RASGRF2: variants seen among roughly 807,000 people sequenced by gnomAD.
The protein encoded by RASGRF2 is ras-specific guanine nucleotide-releasing factor 2.
RASGRF2 carries 76 observed loss-of-function variants against 151.0 expected under a neutral mutation model. The ratio of observed to expected loss-of-function variants is 0.50; its 90% confidence interval spans 0.42 to 0.61. The LOEUF (loss-of-function observed/expected upper bound fraction) is 0.61. Ranked by LOEUF, RASGRF2 falls within the 20% of genes least tolerant of loss-of-function variation. The probability of loss-of-function intolerance (pLI) is 0.00; values close to 1 mark genes in which losing one functional copy is unlikely to be tolerated. For synonymous variants in RASGRF2, 504 were observed against 566.5 expected (o/e 0.89, Z 1.57); for missense variants, 1,148 against 1,564.6 (o/e 0.73, Z 4.49).
At chr5:81,076,417 G>T (rs1751938823) in intron 5 of RASGRF2, among the ~76,000 whole-genome samples, 1 of 152,258 alleles carries the variant, frequency 6.6e-6, no homozygotes, top group Non-Finnish European at 1.5e-5. Context: ...ATAGTACATG[G>T]ACACTTCTGT....
chr5:81,093,037 T>G, intron 10 of RASGRF2, 76 bp downstream of exon 10: 1 of 1,403,768 alleles, frequency 7.1e-7, no homozygotes, highest in East Asian at 2.3e-5. Flanking sequence ...TTTGAGACTT[T>G]CCCATGCTTG....
At chr5:81,047,103 T>C (rs899044571) in intron 2 of RASGRF2, among the ~76,000 whole-genome samples, 15 of 152,078 alleles carry the variant, frequency 9.9e-5, no homozygotes, top group Non-Finnish European at 1.6e-4. Flanking sequence ...GTGTCACTCT[T>C]TGGGAGAAGA....
intron 2 of RASGRF2, among the ~76,000 whole-genome samples, chr5:81,057,336 T>C (rs542504090): frequency 6.6e-6 from 1 of 152,292 alleles, no homozygotes; most frequent in South Asian, 2.1e-4. Flanking sequence ...GCTTCATATA[T>C]ACGTCCTCAG....
chr5:81,070,402 T>C lies in RASGRF2; in HGVS notation c.544-90T>C, dbSNP rs1751736287. 4 of 1,081,028 alleles carry C rather than the reference T, an allele frequency of 3.7e-6. No individual in the cohort carries two copies. In the South Asian group the frequency reaches 5.2e-5, roughly 14 times the overall value. The allele number at this position is 1,081,028 out of a possible 1,614,324, so 67.0% of individuals were successfully genotyped here. ...AAGTGGGTGTTTCCTGAGGATCTCA[T>C]TGGACCACCTTTGTAGGCAGAGCTT... On this transcript the variant is annotated intron_variant, in intron 3 of 26. Coordinates refer to ENST00000265080, the MANE Select transcript of RASGRF2 (RefSeq NM_006909.3).
chr5:81,054,969 C>T lies in RASGRF2; in HGVS notation c.395+11986C>T, dbSNP rs576043672. On this transcript the variant is annotated intron_variant, in intron 2 of 26. Transcript: ENST00000265080. ...TAGGAATGCTTGTGATTTTTGCACA[C>T]TGATTTTGTTTCCTGAGACTTTGCC... Among the ~76,000 whole-genome samples, 26 of 151,914 alleles carry T rather than the reference C, an allele frequency of 1.7e-4. No individual in the cohort carries two copies. In the East Asian group the frequency reaches 1.7e-3, roughly 10 times the overall value.
chr5:81,173,414 T>C (rs1428554731), intron 17 of RASGRF2, among the ~76,000 whole-genome samples: 1 of 152,152 alleles, frequency 6.6e-6, no homozygotes, highest in African/African-American at 2.4e-5. Flanking sequence ...GGAAGTAGTT[T>C]AGAAGCAGTT....
At chr5:80,996,530 TCCTCCCC>T (rs1561544893) in intron 1 of RASGRF2, among the ~76,000 whole-genome samples, 2 of 39,920 alleles carry the variant, frequency 5.0e-5, no homozygotes, top group Non-Finnish European at 9.5e-5. Context: ...CCCCTCCTCC[TCCTCCCC>T]CTCCTCCTCC....
chr5:81,210,041 C>T (rs1561261717), intron 22 of RASGRF2: 1 of 152,806 alleles, frequency 6.5e-6, no homozygotes, highest in Admixed American at 6.5e-5. Flanking sequence ...CTGCCACCAC[C>T]TTGATGTGGC....
At chr5:81,195,771 G>C (rs1312199748) in intron 18 of RASGRF2, among the ~76,000 whole-genome samples, 1 of 152,136 alleles carries the variant, frequency 6.6e-6, no homozygotes, top group East Asian at 1.9e-4. Context: ...GACAGTTTGA[G>C]AAGGGCAAGT....
intron 2 of RASGRF2, among the ~76,000 whole-genome samples, chr5:81,046,467 T>C (rs1750840230): frequency 6.6e-6 from 1 of 152,174 alleles, no homozygotes; most frequent in African/African-American, 2.4e-5. Context: ...ATGTTTTGCT[T>C]ACCATTGGCC....
intron 1 of RASGRF2, among the ~76,000 whole-genome samples, chr5:80,980,875 T>G (rs1279347358): frequency 6.6e-6 from 1 of 152,196 alleles, no homozygotes; most frequent in Non-Finnish European, 1.5e-5. Context: ...GCTTTTTACC[T>G]GGTAGCCTTG....
intron 1 of RASGRF2, among the ~76,000 whole-genome samples, chr5:81,012,595 T>G (rs1410724931): frequency 6.6e-6 from 1 of 152,118 alleles, no homozygotes; most frequent in African/African-American, 2.4e-5. Context: ...GGTTATGCCC[T>G]TCCTGAGGCA....
intron 17 of RASGRF2, among the ~76,000 whole-genome samples, chr5:81,160,965 T>C (rs1754370805): frequency 6.6e-6 from 1 of 152,190 alleles, no homozygotes; most frequent in Non-Finnish European, 1.5e-5. Context: ...GGGACTGTGG[T>C]TTTGGAGGTA....
chr5:81,016,943 C>T (rs148898209), intron 1 of RASGRF2, among the ~76,000 whole-genome samples: 12 of 152,142 alleles, frequency 7.9e-5, no homozygotes, highest in African/African-American at 2.9e-4. Flanking sequence ...CCTAAAAGTC[C>T]ACAAAAACAA....
chr5:81,147,295 A>T (rs753230174), intron 17 of RASGRF2, among the ~76,000 whole-genome samples: 12 of 152,076 alleles, frequency 7.9e-5, no homozygotes, highest in Non-Finnish European at 1.5e-4. Flanking sequence ...ACTTCGAAAC[A>T]CTTTCTTCCT....
At chr5:81,047,005 A>G (rs565408) in intron 2 of RASGRF2, among the ~76,000 whole-genome samples, 55,512 of 151,942 alleles carry the variant, frequency 0.37, 10,436 homozygotes, top group Middle Eastern at 0.6. Flanking sequence ...TAGGGGGTAG[A>G]CTTCAAGGGA....
intron 24 of RASGRF2, chr5:81,217,006 G>C (rs1344413954): frequency 4.4e-6 from 2 of 457,876 alleles, no homozygotes; most frequent in Non-Finnish European, 8.7e-6. Context: ...TAAGACCATA[G>C]AGGTTTCCCT....
intron 2 of RASGRF2, among the ~76,000 whole-genome samples, chr5:81,063,303 G>A (rs1210331284): frequency 2.6e-5 from 4 of 152,078 alleles, no homozygotes; most frequent in Non-Finnish European, 5.9e-5. Flanking sequence ...CTGGAGTGCA[G>A]TGGCGTGATC....
intron 1 of RASGRF2, among the ~76,000 whole-genome samples, chr5:80,983,031 A>G (rs1748361323): frequency 6.6e-6 from 1 of 152,216 alleles, no homozygotes; most frequent in African/African-American, 2.4e-5. Flanking sequence ...ATCCACTTGT[A>G]TGCTTCGGTA....
Sources: allele counts gnomAD v4.1 joint callset (sites outside exome capture counted in the v4.1 genomes callset), GRCh38; gene constraint gnomAD v4.1.1; transcripts MANE v1.5; gene names NCBI Gene and HGNC (gene_info 2026-07-23, HGNC 2026-07-21).